Variants in CDH23 observed in about 807,000 individuals in gnomAD.
The protein encoded by CDH23 is cadherin related 23.
Under a neutral mutation model 317.1 loss-of-function variants are expected in CDH23, and 189 were observed. That is an observed-to-expected ratio of 0.60 (90% CI 0.53 to 0.67). CDH23 has a LOEUF of 0.67. Ranked by LOEUF, CDH23 falls within the 30% of genes least tolerant of loss-of-function variation. CDH23 has a pLI of 0.00. For missense variants in CDH23, 4,401 were observed against 4,592.4 expected, an observed-to-expected ratio of 0.96 and a Z score of 1.20; for synonymous variants, 1,839 against 1,876.8, an observed-to-expected ratio of 0.98 and a Z score of 0.52.
intron 27 of CDH23, chr10:71,711,622 A>T (rs1409932909): frequency 2.0e-5 from 3 of 152,212 alleles, no homozygotes; most frequent in Non-Finnish European, 4.4e-5. Context: ...TTAGATCCCA[A>T]GCAAAGCCCG....
intron 3 of CDH23, among the ~76,000 whole-genome samples, chr10:71,488,667 A>C (rs1448392071): frequency 6.6e-6 from 1 of 152,228 alleles, no homozygotes; most frequent in Admixed American, 6.5e-5. Flanking sequence ...ACCTGGCAAC[A>C]ATCAGTGGGA....
chr10:71,547,548 C>T (rs1284161796), intron 6 of CDH23, among the ~76,000 whole-genome samples: 5 of 152,182 alleles, frequency 3.3e-5, no homozygotes, highest in African/African-American at 7.2e-5. Context: ...TGTGGCGACA[C>T]GCCCAGATAT....
chr10:71,753,786 G>A (rs780516992), intron 38 of CDH23: 3 of 456,290 alleles, frequency 6.6e-6, no homozygotes, highest in Non-Finnish European at 1.3e-5. Context: ...GTGGGGGAGG[G>A]GCACAACAAC....
chr10:71,790,244 G>A, intron 45 of CDH23, 44 bp from the exon 46 acceptor site: 2 of 1,606,616 alleles, frequency 1.2e-6, no homozygotes, highest in Non-Finnish European at 1.7e-6. Flanking sequence ...GGGAGGGCAG[G>A]GGGCTGGGTT....
At chr10:71,532,143 G>T (rs1402653899) in intron 6 of CDH23, among the ~76,000 whole-genome samples, 1 of 151,786 alleles carries the variant, frequency 6.6e-6, no homozygotes, top group Non-Finnish European at 1.5e-5. Flanking sequence ...TTAGCTTGAG[G>T]CATCAGGACC....
In CDH23 at chr10:71,511,173, C is replaced by T. The variant is rs2132200759; in HGVS notation, c.390C>T (p.Pro130=). ...IQVGDVNDNA[P]TFHNQPYSVR... ...TTGGGGATGTGAATGACAACGCGCC[C>T]ACATTTCACAATCAGCCCTACAGCG... Residue 130 remains proline, a synonymous_variant, in exon 6 of 70, where the codon CCC becomes CCT. Coordinates refer to ENST00000224721, the MANE Select transcript of CDH23 (RefSeq NM_022124.6). 2 of 1,613,652 alleles carry T rather than the reference C, an allele frequency of 1.2e-6. No homozygotes were observed. The highest frequency in any genetic ancestry group is 1.7e-6 in the Non-Finnish European group (2 of 1,179,658).
intron 3 of CDH23, among the ~76,000 whole-genome samples, chr10:71,500,671 A>G (rs1314780323): frequency 2.0e-5 from 3 of 152,280 alleles, no homozygotes; most frequent in Non-Finnish European, 4.4e-5. Flanking sequence ...CTTTGTGATA[A>G]AAACCATGAG....
At chr10:71,513,605 G>A (rs1854116824) in intron 6 of CDH23, among the ~76,000 whole-genome samples, 1 of 152,194 alleles carries the variant, frequency 6.6e-6, no homozygotes. Flanking sequence ...ATCTCAGCAG[G>A]CTTCCTGGAG....
chr10:71,760,753 C>A, intron 38 of CDH23: 1 of 927,482 alleles, frequency 1.1e-6, no homozygotes, highest in South Asian at 1.4e-5. Context: ...GGAGGAGGAC[C>A]GGGGGGTTCT....
In CDH23 at chr10:71,785,757, G is replaced by C. The variant is rs774386025; in HGVS notation, c.5820+19G>C. The C allele has an allele frequency of 1.4e-6, 2 of 1,467,874 alleles. No individual in the cohort carries two copies. Among genetic ancestry groups the C allele is most frequent in the Non-Finnish European group, 1.9e-6 (2 of 1,058,740 alleles). The allele number at this position is 1,467,874 out of a possible 1,614,324, so 90.9% of individuals were successfully genotyped here. A position where few individuals can be genotyped will look rare whatever the true frequency, so the allele number is the denominator to read the frequency against. ...CAGGAGGGTGAGACTGGAGGGCACT[G>C]GTGGGAGTGGGCTGGGAGCTAGAGG... On this transcript the variant is annotated intron_variant, in intron 44 of 69. Transcript: ENST00000224721.
intron 6 of CDH23, among the ~76,000 whole-genome samples, chr10:71,537,502 G>A (rs1855765618): frequency 6.6e-6 from 1 of 152,224 alleles, no homozygotes. Flanking sequence ...TGAGGACAGT[G>A]CAGCCAGGAG....
At chr10:71,726,599 A>G (rs1308533429) in intron 30 of CDH23, among the ~76,000 whole-genome samples, 2 of 152,220 alleles carry the variant, frequency 1.3e-5, no homozygotes, top group Non-Finnish European at 1.5e-5. Context: ...CCTGGTTCTT[A>G]CAGGGCCCTG....
In CDH23 at chr10:71,658,805, A is replaced by C. The variant is rs1863524625; in HGVS notation, c.1449+12188A>C. On this transcript the variant is annotated intron_variant, in intron 14 of 69. Coordinates refer to ENST00000224721, the MANE Select transcript of CDH23 (RefSeq NM_022124.6). ...CCCCAAAGCCCCTGGCTTCCCCTCC[A>C]TTCTGCCAGTCACCCTCAGGGCTCA... 3.9e-5 allele frequency among the ~76,000 whole-genome samples: 6 copies of C among 152,190 alleles called. No homozygotes were observed. The South Asian group carries it at 1.2e-3, about 32-fold the overall frequency.
chr10:71,567,797 A>T (rs1168919552), intron 7 of CDH23, among the ~76,000 whole-genome samples: 1 of 151,926 alleles, frequency 6.6e-6, no homozygotes, highest in Admixed American at 6.5e-5. Context: ...AGCTGGAGCC[A>T]TCAGCTGGCA....
intron 9 of CDH23, among the ~76,000 whole-genome samples, chr10:71,609,924 A>G (rs1860758697): frequency 6.8e-6 from 1 of 146,666 alleles, no homozygotes; most frequent in African/African-American, 2.5e-5. Flanking sequence ...TTTATCTAGA[A>G]CTTTCCAGAA....
At chr10:71,670,163 C>T (rs752511245) in intron 14 of CDH23, among the ~76,000 whole-genome samples, 1 of 152,210 alleles carries the variant, frequency 6.6e-6, no homozygotes, top group Non-Finnish European at 1.5e-5. Context: ...CGGCAGGGGC[C>T]AGGGTGTTGG....
In CDH23 at chr10:71,784,402, GC is replaced by G; in HGVS notation, c.5489del (p.Pro1830HisfsTer23). Reference sequence around the variant, plus strand: ...CCATCTGTGCCCGTGACCGGGGGATGCCCCCACTCAGCTCCACAGTGAGTCT... The same window carrying G: ...CCATCTGTGCCCGTGACCGGGGGATGCCCCACTCAGCTCCACAGTGAGTCT... The part of the protein sequence containing the change: ...LTICARDRGM[P>X]PLSSTMLVGI... On this transcript the variant is annotated frameshift_variant, in exon 42 of 70. Transcript: ENST00000224721. LOFTEE classifies it high-confidence loss of function. The G allele has an allele frequency of 6.2e-7, 1 of 1,613,570 alleles. No individual in the cohort carries two copies. Among genetic ancestry groups the G allele is most frequent in the Non-Finnish European group, 8.5e-7 (1 of 1,179,614 alleles).
At chr10:71,621,822 A>AAAGCAG (rs1437438433) in intron 11 of CDH23, among the ~76,000 whole-genome samples, 7 of 152,206 alleles carry the variant, frequency 4.6e-5, no homozygotes, top group Admixed American at 4.6e-4. Flanking sequence ...AAGGTGCTTG[A>AAAGCAG]AAGCAGTCCT....
chr10:71,684,910 C>T (rs762174626), intron 18 of CDH23, among the ~76,000 whole-genome samples: 12 of 152,194 alleles, frequency 7.9e-5, no homozygotes, highest in South Asian at 2.1e-4. Context: ...GCTCCAGGAA[C>T]GTGCCAAGTC....
Sources: gnomAD v4.1 joint callset for allele counts (sites outside exome capture counted in the v4.1 genomes callset) on GRCh38, gnomAD v4.1.1 for gene constraint, MANE v1.5 for transcripts, NCBI Gene and HGNC (gene_info 2026-07-23, HGNC 2026-07-21) for gene names.